RIN2: variants seen among roughly 807,000 people sequenced by gnomAD.
The protein encoded by RIN2 is RAB5 interacting protein 2.
A neutral mutation model predicts 78.0 loss-of-function variants in RIN2; 36 were observed. The ratio of observed to expected loss-of-function variants is 0.46; its 90% CI spans 0.35 to 0.61. The LOEUF (loss-of-function observed/expected upper bound fraction) is 0.61. Ranked by LOEUF, RIN2 falls within the 20% of genes least tolerant of loss-of-function variation. The pLI, the probability that RIN2 is intolerant of heterozygous loss-of-function variation, is 0.00. For missense variants in RIN2, 1,087 were observed against 1,159.7 expected, an observed-to-expected ratio of 0.94 and a Z score of 0.91; for synonymous variants, 466 against 466.8, an observed-to-expected ratio of 1.00 and a Z score of 0.02.
intron 1 of RIN2, among the ~76,000 whole-genome samples, chr20:19,779,952 T>C (rs2054736100): frequency 6.6e-6 from 1 of 152,220 alleles, no homozygotes; most frequent in South Asian, 2.1e-4. Context: ...ATATTATGGC[T>C]TCTGTAATAG....
Position 20,001,997 on chromosome 20 carries a change from T to C in RIN2, c.*1061T>C, listed in dbSNP as rs2043153490. The C allele has an allele frequency of 6.6e-6, 1 of 152,652 alleles. No homozygotes were observed. The highest frequency in any genetic ancestry group is 2.1e-4 in the South Asian group (1 of 4,834). 9.5% of individuals were successfully genotyped at this position (152,652 alleles called of 1,614,324 possible). A position where few individuals can be genotyped will look rare whatever the true frequency, so the allele number is the denominator to read the frequency against. ...AAATAAAAATCAAGAAGAACACTTT[T>C]CTCCCTTTTCCATACAAATTAAAAC... is the stretch of plus-strand genomic sequence containing the variant. On this transcript the variant is annotated 3_prime_UTR_variant, in exon 13 of 13. Coordinates refer to ENST00000255006, the MANE Select transcript of RIN2 (RefSeq NM_018993.4).
chr20:19,975,269 G>T lies in RIN2; in HGVS notation c.1244G>T (p.Ser415Ile), dbSNP rs1482774660. ...GATTGCACAAGGGCCCCGCCGCCCA[G>T]CTCTGAATCACGGCCCCCGTGCCAT... is the stretch of plus-strand genomic sequence containing the variant. ...PGDCTRAPPP[S>I]SESRPPCHGG... The change falls in exon 9 of 13, where the codon AGC (serine) becomes ATC (isoleucine). Residue 415 changes from serine to isoleucine, a missense_variant. Ser to Ile is a moderately radical substitution (Grantham distance 142, BLOSUM62 -2). Coordinates refer to ENST00000255006, the MANE Select transcript of RIN2 (RefSeq NM_018993.4). This position sits in a 1 kb window ranked among gnomAD's most constrained non-coding sequence, Gnocchi z 4.9. The T allele has an allele frequency of 6.3e-7, 1 of 1,590,934 alleles. No homozygotes were observed. Among genetic ancestry groups the T allele is most frequent in the Non-Finnish European group, 8.6e-7 (1 of 1,168,940 alleles).
chr20:19,933,999 G>A (rs180994221), intron 3 of RIN2, among the ~76,000 whole-genome samples: 31 of 152,068 alleles, frequency 2.0e-4, no homozygotes, highest in African/African-American at 7.5e-4. Flanking sequence ...ATGTACAGAT[G>A]GGGTTTTACC....
chr20:19,759,038 C>T (rs2033514364), intron 1 of RIN2, among the ~76,000 whole-genome samples: 1 of 152,332 alleles, frequency 6.6e-6, no homozygotes, highest in South Asian at 2.1e-4. Context: ...GAGGCCTCCC[C>T]GCCCCCTTCT....
chr20:19,851,651 G>T (rs921827226), intron 2 of RIN2, among the ~76,000 whole-genome samples: 2 of 152,100 alleles, frequency 1.3e-5, no homozygotes, highest in African/African-American at 4.8e-5. Context: ...AAGCCTAGGA[G>T]GTCGAGAATG....
intron 4 of RIN2, among the ~76,000 whole-genome samples, chr20:19,945,432 C>A (rs919817662): frequency 1.3e-5 from 2 of 152,198 alleles, no homozygotes; most frequent in African/African-American, 4.8e-5. Flanking sequence ...TTCTTCAGAC[C>A]TCATGCACTG....
chr20:19,948,980 TA>T (rs11478186), intron 4 of RIN2, among the ~76,000 whole-genome samples: 13,762 of 146,350 alleles, frequency 0.094, 648 homozygotes, highest in Non-Finnish European at 0.096. Context: ...AATTTTACTT[TA>T]AAAAAAAAAA....
intron 3 of RIN2, among the ~76,000 whole-genome samples, chr20:19,908,219 C>T (rs1375623883): frequency 2.6e-5 from 4 of 152,114 alleles, no homozygotes; most frequent in African/African-American, 4.8e-5. Context: ...CGGCCAGGCG[C>T]GGTGGCTCAC....
chr20:19,878,082 G>A (rs969492317), intron 2 of RIN2, among the ~76,000 whole-genome samples: 2 of 152,144 alleles, frequency 1.3e-5, no homozygotes, highest in African/African-American at 4.8e-5. Context: ...GATCCTACCT[G>A]CCACCCAATA....
At chr20:19,820,041 A>G (rs2035882269) in intron 2 of RIN2, among the ~76,000 whole-genome samples, 1 of 152,200 alleles carries the variant, frequency 6.6e-6, no homozygotes, top group Non-Finnish European at 1.5e-5. Context: ...AAGTATTAAA[A>G]TAAAACAATG....
chr20:19,942,933 A>G (rs1406997108), intron 4 of RIN2, among the ~76,000 whole-genome samples: 1 of 152,230 alleles, frequency 6.6e-6, no homozygotes, highest in Admixed American at 6.5e-5. Flanking sequence ...TTGCTGCTAT[A>G]TTGGCAATTG....
intron 3 of RIN2, among the ~76,000 whole-genome samples, chr20:19,924,463 C>A: frequency 2.5e-5 from 1 of 40,094 alleles, no homozygotes. Context: ...TTCATACCCT[C>A]ACCTTCATAC....
chr20:19,935,546 T>C lies in RIN2; in HGVS notation c.158+347T>C, dbSNP rs1161216600. On this transcript the variant is annotated intron_variant, in intron 4 of 12. Coordinates refer to ENST00000255006, the MANE Select transcript of RIN2 (RefSeq NM_018993.4). ...CAAAGTAGAATTCAGTGTAGCCGTGTGAGTCTCCAGAAGGCTTACAGGGGA... is the reference window on the plus strand; with the variant it reads ...CAAAGTAGAATTCAGTGTAGCCGTGCGAGTCTCCAGAAGGCTTACAGGGGA... The C allele has an allele frequency of 3.9e-6, 4 of 1,034,158 alleles. No individual in the cohort carries two copies. In the African/African-American group the frequency reaches 5.1e-5, roughly 13 times the overall value. The allele number at this position is 1,034,158 out of a possible 1,614,324, so 64.1% of individuals were successfully genotyped here.
At chr20:19,958,398 C>T (rs1272147015) in intron 5 of RIN2, among the ~76,000 whole-genome samples, 1 of 152,272 alleles carries the variant, frequency 6.6e-6, no homozygotes, top group African/African-American at 2.4e-5. Flanking sequence ...ACAGCCTGCC[C>T]AGCTCCCCCT....
At chr20:19,917,450 G>T (rs1368862733) in intron 3 of RIN2, among the ~76,000 whole-genome samples, 1 of 152,188 alleles carries the variant, frequency 6.6e-6, no homozygotes, top group Non-Finnish European at 1.5e-5. Flanking sequence ...TTCCTAAAAT[G>T]ATAATAGTTA....
intron 1 of RIN2, among the ~76,000 whole-genome samples, chr20:19,794,412 C>T (rs889417700): frequency 2.0e-5 from 3 of 151,588 alleles, no homozygotes; most frequent in Admixed American, 2.0e-4. Flanking sequence ...AAAAATTAGC[C>T]AGGTGAGGTG....
intron 2 of RIN2, among the ~76,000 whole-genome samples, chr20:19,869,039 G>A (rs6081779): frequency 0.021 from 2,798 of 131,158 alleles, 45 homozygotes; most frequent in Middle Eastern, 0.048. Context: ...CCGAGATCAC[G>A]CCACTGCACT....
At chr20:19,789,671 G>A (rs889390995) in intron 1 of RIN2, among the ~76,000 whole-genome samples, 1 of 152,164 alleles carries the variant, frequency 6.6e-6, no homozygotes, top group African/African-American at 2.4e-5. Context: ...CTCCCATGGG[G>A]TCGTAGGACT....
chr20:19,927,674 A>G (rs921339626), intron 3 of RIN2, among the ~76,000 whole-genome samples: 2 of 151,474 alleles, frequency 1.3e-5, no homozygotes, highest in African/African-American at 4.9e-5. Context: ...CTTGGCCTCC[A>G]AAAGTGCTAA....
Sources: gnomAD v4.1 joint callset for allele counts (sites outside exome capture counted in the v4.1 genomes callset) on GRCh38, gnomAD v4.1.1 for gene constraint, Gnocchi (gnomAD v3.1) non-coding constraint, MANE v1.5 for transcripts, NCBI Gene and HGNC (gene_info 2026-07-23, HGNC 2026-07-21) for gene names.